GRK5: variants seen among roughly 807,000 people sequenced by gnomAD.
GRK5 encodes G protein-coupled receptor kinase 5, also known as g protein-coupled receptor kinase GRK5.
In GRK5, 40 loss-of-function variants were observed where a neutral mutation model predicts 78.4. The observed-to-expected ratio is 0.51, with a 90% confidence interval of 0.40 to 0.66. The LOEUF is 0.66. GRK5 is among the 30% of genes least tolerant of loss of function. The pLI is 0.00. For synonymous variants in GRK5, 289 were observed against 296.8 expected, an observed-to-expected ratio of 0.97 and a Z score of 0.27; for missense variants, 598 against 759.9, an observed-to-expected ratio of 0.79 and a Z score of 2.50.
intron 1 of GRK5, among the ~76,000 whole-genome samples, chr10:119,324,407 A>C (rs191250232): frequency 6.6e-4 from 101 of 152,344 alleles, no homozygotes; most frequent in African/African-American, 2.4e-3. Flanking sequence ...CAGGCGGATC[A>C]CTTGAGGTCA....
At chr10:119,453,955 C>T (rs76512648) in intron 15 of GRK5, among the ~76,000 whole-genome samples, 13,642 of 151,986 alleles carry the variant, frequency 0.09, 902 homozygotes, top group East Asian at 0.31. Context: ...GGGCCCCCAC[C>T]TCACCCCACA....
Position 119,442,039 on chromosome 10 carries a change from C to T in GRK5, c.1008C>T (p.Ile336=). ...CAGACCTGGGCTTGGCTGTGAAGAT[C>T]CCCGAGGGAGACCTGATCCGCGGCC... ...RISDLGLAVK[I]PEGDLIRGRV... The change falls in exon 11 of 16, where the codon ATC becomes ATT. Residue 336 remains isoleucine (I), a synonymous_variant. Transcript: ENST00000392870. 2 of 1,614,028 alleles carry T rather than the reference C, an allele frequency of 1.2e-6. No homozygotes were observed. The highest frequency in any genetic ancestry group is 1.7e-6 in the Non-Finnish European group (2 of 1,179,950).
chr10:119,410,082 C>G (rs572397189), intron 4 of GRK5, among the ~76,000 whole-genome samples: 1 of 152,402 alleles, frequency 6.6e-6, no homozygotes, highest in East Asian at 1.9e-4. Flanking sequence ...TGCGTCATCT[C>G]CTGTTGCACA....
intron 1 of GRK5, among the ~76,000 whole-genome samples, chr10:119,255,362 A>C (rs1747901191): frequency 6.6e-6 from 1 of 152,042 alleles, no homozygotes; most frequent in Admixed American, 6.5e-5. Context: ...GGAAGCTGAC[A>C]CACAGGACAC....
chr10:119,308,439 G>A (rs541536860), intron 1 of GRK5, among the ~76,000 whole-genome samples: 6 of 152,224 alleles, frequency 3.9e-5, no homozygotes, highest in Non-Finnish European at 8.8e-5. Context: ...GGTCATCTGT[G>A]ACGTATGGGC....
intron 3 of GRK5, among the ~76,000 whole-genome samples, chr10:119,390,992 C>T (rs1183807612): frequency 6.6e-6 from 1 of 152,224 alleles, no homozygotes; most frequent in African/African-American, 2.4e-5. Context: ...ATGCAGCCCC[C>T]CTTCCCTCCT....
At chr10:119,259,644 GA>G (rs1446130669) in intron 1 of GRK5, among the ~76,000 whole-genome samples, 2 of 152,196 alleles carry the variant, frequency 1.3e-5, no homozygotes, top group Non-Finnish European at 2.9e-5. Context: ...GTGGGTCAGA[GA>G]GTTCAGAGCA....
chr10:119,370,034 G>A (rs1160310618), intron 2 of GRK5, among the ~76,000 whole-genome samples: 2 of 152,128 alleles, frequency 1.3e-5, no homozygotes, highest in Non-Finnish European at 1.5e-5. Flanking sequence ...ACTGCTCATG[G>A]TGATGGTATA....
intron 2 of GRK5, among the ~76,000 whole-genome samples, chr10:119,347,224 G>A (rs551948549): frequency 6.6e-6 from 1 of 152,266 alleles, no homozygotes; most frequent in Admixed American, 6.5e-5. Context: ...ATGTATGTGT[G>A]TGTGTGCAGT....
chr10:119,292,725 A>G (rs1850005213), intron 1 of GRK5, among the ~76,000 whole-genome samples: 1 of 152,166 alleles, frequency 6.6e-6, no homozygotes, highest in Non-Finnish European at 1.5e-5. Context: ...ACCTATACAC[A>G]GCCTCTGGTA....
rs1472710978 is a variant in GRK5 at position 119,217,139 on chromosome 10, AG to A, written c.52+9171del. Among the ~76,000 whole-genome samples the A allele has an allele frequency of 1.3e-5, 2 of 152,194 alleles. No individual in the cohort carries two copies. Among genetic ancestry groups the A allele is most frequent in the African/African-American group, 2.4e-5 (1 of 41,452 alleles). The stretch of plus-strand genomic sequence containing the variant: ...TCTTCTCGAGATGGTAGGGTTTTTA[AG>A]TGTAAATACCCATGAGGTTGTAATT... On this transcript the variant is annotated intron_variant, in intron 1 of 15. Transcript: ENST00000392870. This position sits in a 1 kb window ranked among gnomAD's most constrained non-coding sequence, Gnocchi z 4.1.
chr10:119,411,036 C>T (rs527350178), intron 4 of GRK5, among the ~76,000 whole-genome samples: 1 of 151,834 alleles, frequency 6.6e-6, no homozygotes, highest in African/African-American at 2.4e-5. Flanking sequence ...AGAATGGGCA[C>T]TCAGGGAACC....
chr10:119,343,131 T>G, intron 2 of GRK5, among the ~76,000 whole-genome samples: 1 of 152,220 alleles, frequency 6.6e-6, no homozygotes, highest in South Asian at 2.1e-4. Context: ...CACGTGACAC[T>G]GGGTGACAGC....
rs575154809 is a variant in GRK5, at chr10:119,356,235, T to C, written c.149-24580T>C. On this transcript the variant is annotated intron_variant, in intron 2 of 15. Coordinates refer to ENST00000392870, the MANE Select transcript of GRK5 (RefSeq NM_005308.3). ...TTCTGTCAGGCAGAGTATTTCATTA[T>C]TTGATATTCTTAGACAAAACAAATT... is the stretch of plus-strand genomic sequence containing the variant. 2.0e-5 allele frequency among the ~76,000 whole-genome samples: 3 copies of C among 152,364 alleles called. No individual in the cohort carries two copies. The South Asian group carries it at 6.2e-4, about 32-fold the overall frequency.
At chr10:119,243,142 C>T (rs946758790) in intron 1 of GRK5, among the ~76,000 whole-genome samples, 1 of 152,134 alleles carries the variant, frequency 6.6e-6, no homozygotes, top group Non-Finnish European at 1.5e-5. Flanking sequence ...GAGGCTGAGA[C>T]AGGAGAATTG....
intron 1 of GRK5, among the ~76,000 whole-genome samples, chr10:119,257,453 G>A (rs907081964): frequency 2.0e-5 from 3 of 152,112 alleles, no homozygotes; most frequent in African/African-American, 4.8e-5. Context: ...GGCCGGGTAC[G>A]GTGGCTCACA....
chr10:119,406,937 T>C (rs923924116), intron 4 of GRK5, among the ~76,000 whole-genome samples: 1 of 152,212 alleles, frequency 6.6e-6, no homozygotes, highest in African/African-American at 2.4e-5. Flanking sequence ...TAGAACTTCA[T>C]ATTCCATGTT....
chr10:119,411,537 G>T (rs1021339635), intron 4 of GRK5, among the ~76,000 whole-genome samples: 23 of 152,188 alleles, frequency 1.5e-4, no homozygotes, highest in African/African-American at 4.3e-4. Flanking sequence ...TTTGAGGGGG[G>T]ACTGAAGCTT....
rs560716870 is a variant in GRK5 at position 119,312,310 on chromosome 10, C to T, written c.53-14206C>T. On this transcript the variant is annotated intron_variant, in intron 1 of 15. Coordinates refer to ENST00000392870, the MANE Select transcript of GRK5 (RefSeq NM_005308.3). Reference sequence around the variant, plus strand: ...CGATCAGGGTCAGCCTCATGGAGAACGTGAGAGCTGTGCAAAAGCTGCAAG... The same window carrying T: ...CGATCAGGGTCAGCCTCATGGAGAATGTGAGAGCTGTGCAAAAGCTGCAAG... 9.5e-4 allele frequency among the ~76,000 whole-genome samples: 145 copies of T among 152,210 alleles called. 1 individual carries two copies. The highest frequency in any genetic ancestry group is 3.2e-3 in the African/African-American group (132 of 41,548).
Sources: allele counts gnomAD v4.1 joint callset (sites outside exome capture counted in the v4.1 genomes callset), GRCh38; gene constraint gnomAD v4.1.1; non-coding constraint Gnocchi (gnomAD v3.1); transcripts MANE v1.5; gene names NCBI Gene and HGNC (gene_info 2026-07-23, HGNC 2026-07-21).